DNASE1: variants seen among roughly 807,000 people sequenced by gnomAD.
The protein encoded by DNASE1 is deoxyribonuclease 1.
A neutral mutation model predicts 33.9 loss-of-function variants in DNASE1; 40 were observed. The ratio of observed to expected loss-of-function variants is 1.18; its 90% CI spans 0.92 to 1.54. DNASE1 has a LOEUF of 1.54. Among genes scored for constraint, DNASE1 ranks in the 40% most tolerant of loss-of-function variants. DNASE1 has a pLI of 0.00. For missense variants in DNASE1, 518 were observed against 372.6 expected, an observed-to-expected ratio of 1.39 and a Z score of -3.21; for synonymous variants, 216 against 160.0, an observed-to-expected ratio of 1.35 and a Z score of -2.64.
At chr16:3,653,833 A>AC, upstream of DNASE1, 1 of 147,900 alleles carries the variant, frequency 6.8e-6, no homozygotes, top group African/African-American at 2.5e-5. Flanking sequence ...AAAAAAAAAA[A>AC]AAAAAAAACT....
chr16:3,637,611 A>G (rs186107780), intron 1 of DNASE1, among the ~76,000 whole-genome samples: 2 of 152,288 alleles, frequency 1.3e-5, no homozygotes, highest in Non-Finnish European at 2.9e-5. Flanking sequence ...TATAAAACCT[A>G]ATTAAGTTAG....
At chr16:3,663,381 G>A (rs747427856) in exon 10 of DNASE1, 30 of 1,611,652 alleles carry the variant, frequency 1.9e-5, no homozygotes, top group Middle Eastern at 1.6e-4. Context: ...GGCGTGCGGG[G>A]AGTGGAAACC....
intron 2 of DNASE1, 75 bp from the exon 3 acceptor site, chr16:3,655,774 T>C: frequency 6.4e-6 from 10 of 1,565,140 alleles, no homozygotes; most frequent in Non-Finnish European, 8.8e-6. Flanking sequence ...GCATCAGCTG[T>C]GGCTCCCTTT....
At chr16:3,662,694 C>A (rs933688535), downstream of DNASE1, 1 of 700,504 alleles carries the variant, frequency 1.4e-6, no homozygotes, top group South Asian at 1.5e-5. Context: ...AAGACACGGC[C>A]TTCCTGCCTC....
At chr16:3,635,045 ACTC>A (rs761006772) in intron 1 of DNASE1, among the ~76,000 whole-genome samples, 1 of 151,072 alleles carries the variant, frequency 6.6e-6, no homozygotes, top group Non-Finnish European at 1.5e-5. Flanking sequence ...ATAGCCCAGA[ACTC>A]CTGGACTAAA....
intron 1 of DNASE1, among the ~76,000 whole-genome samples, chr16:3,623,332 A>C (rs28431111): frequency 0.064 from 9,720 of 152,268 alleles, 327 homozygotes; most frequent in Admixed American, 0.076. Context: ...CCGCATACAA[A>C]AATTAACTCA....
In DNASE1 at chr16:3,656,183, C is replaced by T. The variant is rs762590524; in HGVS notation, c.318C>T (p.Tyr106=). ...ATAAGGAGCGCTACCTGTTCGTGTA[C>T]AGGTGGGTGGTCTAGAAAGCCAGGA... ...NSYKERYLFV[Y]RPDQVSAVDS... is the part of the protein sequence containing the mutation. Residue 106 remains tyrosine (Y), a splice_region_variant and synonymous_variant, in exon 4 of 9, where the codon TAC becomes TAT. Transcript: ENST00000246949. 5 of 1,614,012 alleles carry T rather than the reference C, an allele frequency of 3.1e-6. No individual in the cohort carries two copies. Among genetic ancestry groups the T allele is most frequent in the East Asian group, 2.2e-5 (1 of 44,872 alleles).
upstream of DNASE1, chr16:3,642,869 C>G (rs1002960870): frequency 6.6e-6 from 1 of 152,422 alleles, no homozygotes; most frequent in East Asian, 1.9e-4. Flanking sequence ...TCAGCCCCTC[C>G]CCTTTTCAAT....
exon 10 of DNASE1, chr16:3,664,374 A>G (rs1031610850): frequency 6.2e-7 from 1 of 1,612,526 alleles, no homozygotes; most frequent in Non-Finnish European, 8.5e-7. Flanking sequence ...GCCGGCCCGC[A>G]TGCGGCTGGC....
At chr16:3,646,362 C>T (rs1229768370) in intron 1 of DNASE1, among the ~76,000 whole-genome samples, 3 of 152,124 alleles carry the variant, frequency 2.0e-5, no homozygotes, top group Admixed American at 2.0e-4. Context: ...GCCACCGCTT[C>T]CTGGAGCTTG....
chr16:3,654,125 C>A (rs1202068085), upstream of DNASE1: 4 of 357,792 alleles, frequency 1.1e-5, no homozygotes, highest in Non-Finnish European at 2.0e-5. Flanking sequence ...ACAATAAAAA[C>A]CCAAAACAAA....
intron 1 of DNASE1, among the ~76,000 whole-genome samples, chr16:3,612,970 G>A (rs1291202157): frequency 6.6e-6 from 1 of 152,070 alleles, no homozygotes; most frequent in Non-Finnish European, 1.5e-5. Flanking sequence ...CAGTTTGCAG[G>A]GCAGACAATA....
chr16:3,615,461 C>T (rs1399905272), intron 1 of DNASE1, among the ~76,000 whole-genome samples: 4 of 152,072 alleles, frequency 2.6e-5, no homozygotes, highest in Non-Finnish European at 1.5e-5. Context: ...AGTTGAGGGG[C>T]AGTGTTCAGA....
intron 1 of DNASE1, among the ~76,000 whole-genome samples, chr16:3,622,696 C>A (rs747355130): frequency 2.0e-5 from 3 of 152,156 alleles, no homozygotes; most frequent in Non-Finnish European, 4.4e-5. Flanking sequence ...AAGTGATCCC[C>A]CTACTTCAGC....
intron 1 of DNASE1, among the ~76,000 whole-genome samples, chr16:3,613,441 AAC>A (rs1474478208): frequency 1.3e-5 from 2 of 152,222 alleles, no homozygotes; most frequent in African/African-American, 4.8e-5. Context: ...TCGTGTTCAT[AAC>A]ACAAGTTTTT....
At chr16:3,656,875 C>T (rs543178130) in intron 5 of DNASE1, 122 bp downstream of exon 5, 279 of 1,543,866 alleles carry the variant, frequency 1.8e-4, no homozygotes, top group Admixed American at 1.8e-4. Flanking sequence ...TTGGGTTTTC[C>T]ATTCAAGTCA....
chr16:3,664,218 C>T (rs934527928), exon 10 of DNASE1: 1 of 1,475,116 alleles, frequency 6.8e-7, no homozygotes, highest in Non-Finnish European at 9.0e-7. Context: ...CTGAGAAGGT[C>T]AAGACCCTCC....
upstream of DNASE1, among the ~76,000 whole-genome samples, chr16:3,638,806 C>T (rs990599550): frequency 2.0e-5 from 3 of 152,140 alleles, no homozygotes; most frequent in African/African-American, 4.8e-5. Context: ...AATTTTTTCT[C>T]TCTGCCTTAT....
chr16:3,663,134 G>A, exon 10 of DNASE1: 1 of 666,890 alleles, frequency 1.5e-6, no homozygotes, highest in Non-Finnish European at 2.5e-6. Context: ...GGATGCTTCA[G>A]GTTGCCTGAG....
Sources: gnomAD v4.1 joint callset for allele counts (sites outside exome capture counted in the v4.1 genomes callset) on GRCh38, gnomAD v4.1.1 for gene constraint, MANE v1.5 for transcripts, NCBI Gene and HGNC (gene_info 2026-07-23, HGNC 2026-07-21) for gene names.